The following CSMD1 variants were observed in gnomAD, a reference collection of about 807,000 sequenced individuals.
The protein encoded by CSMD1 is CUB and Sushi multiple domains 1, also known as CUB and sushi domain-containing protein 1.
Under a neutral mutation model 417.5 loss-of-function variants are expected in CSMD1, and 213 were observed. That is an observed-to-expected ratio of 0.51 (90% confidence interval 0.46 to 0.57). CSMD1 has a LOEUF of 0.57. CSMD1 is among the 20% of genes least tolerant of loss of function. The pLI is 0.00. For missense variants in CSMD1, 6,923 were observed against 4,529.7 expected, an observed-to-expected ratio of 1.53 and a Z score of -15.17; for synonymous variants, 2,862 against 1,736.8, an observed-to-expected ratio of 1.65 and a Z score of -16.11.
chr8:4,598,192 C>A (rs1800383332), intron 2 of CSMD1, among the ~76,000 whole-genome samples: 1 of 152,102 alleles, frequency 6.6e-6, no homozygotes, highest in Non-Finnish European at 1.5e-5. Context: ...ACGGAATTAT[C>A]ATAGTTGTAG....
intron 6 of CSMD1, among the ~76,000 whole-genome samples, chr8:3,719,910 T>G (rs11995286): frequency 0.026 from 4,006 of 152,212 alleles, 179 homozygotes; most frequent in African/African-American, 0.091. Flanking sequence ...CTTGCCAGGT[T>G]AAAAATGCCT....
intron 1 of CSMD1, among the ~76,000 whole-genome samples, chr8:4,975,673 A>G (rs567379960): frequency 6.6e-6 from 1 of 152,348 alleles, no homozygotes; most frequent in South Asian, 2.1e-4. Context: ...CGGTAATTCA[A>G]GAAGTAGGCA....
At chr8:4,568,713 T>C (rs989097790) in intron 2 of CSMD1, among the ~76,000 whole-genome samples, 11 of 152,194 alleles carry the variant, frequency 7.2e-5, no homozygotes, top group African/African-American at 2.2e-4. Context: ...TCCACAATGG[T>C]TGAACTAATT....
chr8:3,551,594 ATATTTTTTT>A (rs1445448642), intron 10 of CSMD1, among the ~76,000 whole-genome samples: 1,479 of 103,732 alleles, frequency 0.014, 11 homozygotes, highest in East Asian at 0.065. Context: ...ATATATATAT[ATATTTTTTT>A]TTTTTTTTTT....
intron 2 of CSMD1, among the ~76,000 whole-genome samples, chr8:4,534,246 C>T (rs188693243): frequency 6.2e-4 from 95 of 152,256 alleles, no homozygotes; most frequent in Admixed American, 3.3e-3. Flanking sequence ...GTGGGCCTGG[C>T]CCCAAGGATG....
intron 6 of CSMD1, among the ~76,000 whole-genome samples, chr8:3,753,608 A>T (rs1797480649): frequency 6.6e-6 from 1 of 152,256 alleles, no homozygotes; most frequent in African/African-American, 2.4e-5. Flanking sequence ...GAATGTAAAT[A>T]CAATAGCCAA....
chr8:4,520,889 A>G (rs1803409408), intron 2 of CSMD1, among the ~76,000 whole-genome samples: 1 of 152,170 alleles, frequency 6.6e-6, no homozygotes, highest in South Asian at 2.1e-4. Flanking sequence ...TGCTGATGAC[A>G]TGTTGAAATA....
intron 1 of CSMD1, among the ~76,000 whole-genome samples, chr8:4,771,265 C>CA (rs1796582056): frequency 6.6e-6 from 1 of 152,128 alleles, no homozygotes; most frequent in South Asian, 2.1e-4. Context: ...TCTGTAATTC[C>CA]AAGTTTCTAA....
intron 3 of CSMD1, among the ~76,000 whole-genome samples, chr8:4,207,723 G>C (rs527364490): frequency 2.0e-5 from 3 of 151,990 alleles, no homozygotes; most frequent in African/African-American, 4.8e-5. Flanking sequence ...TGTATTAATA[G>C]CAAAATAACA....
chr8:3,294,640 T>A (rs1803828337), intron 25 of CSMD1, among the ~76,000 whole-genome samples: 2 of 152,218 alleles, frequency 1.3e-5, no homozygotes, highest in African/African-American at 2.4e-5. Context: ...TATAATCTCC[T>A]GGTGTGCCGT....
Position 2,998,272 on chromosome 8 carries a change from G to T in CSMD1, c.8204-88C>A. The T allele has an allele frequency of 2.9e-6, 4 of 1,372,236 alleles. No individual in the cohort carries two copies. The South Asian group carries it at 3.8e-5, about 13-fold the overall frequency. 85.0% of individuals were successfully genotyped at this position (1,372,236 alleles called of 1,614,324 possible). ...TTATTAATAAGAAACATGCAGGCAT[G>T]CTAACGGTATGGACTGAAGGTTTTC... On this transcript the variant is annotated intron_variant, in intron 53 of 69. Coordinates refer to ENST00000635120, the MANE Select transcript of CSMD1 (RefSeq NM_033225.6).
intron 3 of CSMD1, among the ~76,000 whole-genome samples, chr8:4,046,383 G>T (rs17068727): frequency 0.19 from 28,926 of 151,996 alleles, 3,399 homozygotes; most frequent in East Asian, 0.51. Context: ...CTTGGCATTA[G>T]TATATTACAA....
intron 5 of CSMD1, among the ~76,000 whole-genome samples, chr8:3,895,493 C>T (rs941306818): frequency 6.6e-6 from 1 of 151,926 alleles, no homozygotes; most frequent in Non-Finnish European, 1.5e-5. Context: ...ATTATTAGGC[C>T]TATTATCAAT....
intron 3 of CSMD1, among the ~76,000 whole-genome samples, chr8:4,234,563 T>C (rs1801933704): frequency 6.6e-6 from 1 of 152,228 alleles, no homozygotes; most frequent in African/African-American, 2.4e-5. Context: ...GTTCCTTTAG[T>C]ACAATTCTGC....
chr8:3,388,446 GA>G (rs574190915), intron 17 of CSMD1, among the ~76,000 whole-genome samples: 16 of 152,120 alleles, frequency 1.1e-4, no homozygotes, highest in Non-Finnish European at 2.2e-4. Context: ...CATATGCGAA[GA>G]AATAAAAAAT....
intron 1 of CSMD1, among the ~76,000 whole-genome samples, chr8:4,779,603 A>T (rs1049310080): frequency 2.0e-5 from 3 of 152,254 alleles, no homozygotes; most frequent in African/African-American, 4.8e-5. Flanking sequence ...AGGAAGCATT[A>T]GCTGTACGCC....
chr8:4,020,813 G>T (rs991961645), intron 4 of CSMD1, among the ~76,000 whole-genome samples: 3 of 152,124 alleles, frequency 2.0e-5, no homozygotes, highest in Admixed American at 1.3e-4. Flanking sequence ...AAACTTTTTA[G>T]ATTAATCAAG....
intron 5 of CSMD1, among the ~76,000 whole-genome samples, chr8:3,781,352 C>G (rs549418673): frequency 4.7e-4 from 71 of 152,024 alleles, no homozygotes; most frequent in Non-Finnish European, 7.6e-4. Flanking sequence ...AACACGGAGT[C>G]TAGGGTCAGG....
chr8:3,717,745 C>T (rs892670843), intron 6 of CSMD1, among the ~76,000 whole-genome samples: 1 of 152,062 alleles, frequency 6.6e-6, no homozygotes, highest in African/African-American at 2.4e-5. Flanking sequence ...TATTATTCTG[C>T]CTTTATGACC....
Sources: allele counts gnomAD v4.1 joint callset (sites outside exome capture counted in the v4.1 genomes callset), GRCh38; gene constraint gnomAD v4.1.1; transcripts MANE v1.5; gene names NCBI Gene and HGNC (gene_info 2026-07-23, HGNC 2026-07-21).